NEK6: variants seen among roughly 807,000 people sequenced by gnomAD.
NEK6 encodes serine/threonine-protein kinase Nek6.
In NEK6, 27 loss-of-function variants were observed where a neutral mutation model predicts 43.5. The ratio of observed to expected loss-of-function variants is 0.62; its 90% CI spans 0.46 to 0.86. The LOEUF (loss-of-function observed/expected upper bound fraction) is 0.86. Among genes scored for constraint, NEK6 ranks in the 40% least tolerant of loss-of-function variants. The pLI is 0.00. For missense variants in NEK6, 318 were observed against 414.4 expected, an observed-to-expected ratio of 0.77 and a Z score of 2.02; for synonymous variants, 167 against 164.1, an observed-to-expected ratio of 1.02 and a Z score of -0.14.
At position 124,339,577 on chromosome 9, in the gene NEK6, C is replaced by T. The variant is rs1829483963; in HGVS notation, c.629C>T (p.Thr210Met). The change falls in exon 8 of 10, where the codon ACG becomes ATG. Residue 210 changes from threonine to methionine, a missense_variant. Thr to Met is a moderately conservative substitution (Grantham distance 81). Coordinates refer to ENST00000320246, the MANE Select transcript of NEK6 (RefSeq NM_014397.6). Reference sequence around the variant, plus strand: ...GCCCCTTGCTGTGTTGCAGTGGGGACGCCCTACTACATGTCACCGGAGAGG... The same window carrying T: ...GCCCCTTGCTGTGTTGCAGTGGGGATGCCCTACTACATGTCACCGGAGAGG... ...ETTAAHSLVGTPYYMSPERIH... is the reference protein window; with the variant it reads ...ETTAAHSLVGMPYYMSPERIH... 3.1e-6 allele frequency: 5 copies of T among 1,613,244 alleles called. No individual in the cohort carries two copies. Among genetic ancestry groups the T allele is most frequent in the Non-Finnish European group, 4.2e-6 (5 of 1,179,268 alleles).
chr9:124,350,619 T>C (rs1830215189), intron 9 of NEK6, among the ~76,000 whole-genome samples: 2 of 152,176 alleles, frequency 1.3e-5, no homozygotes, highest in African/African-American at 2.4e-5. Flanking sequence ...CCTTTGGGAC[T>C]AGACAGGCCT....
At chr9:124,327,767 C>T (rs566254610) in intron 7 of NEK6, among the ~76,000 whole-genome samples, 4 of 152,184 alleles carry the variant, frequency 2.6e-5, no homozygotes, top group African/African-American at 4.8e-5. Context: ...GTCCCGTTCA[C>T]GGGCAGCACC....
intron 7 of NEK6, among the ~76,000 whole-genome samples, chr9:124,337,368 A>G (rs144384316): frequency 1.3e-5 from 2 of 152,346 alleles, no homozygotes; most frequent in African/African-American, 4.8e-5. Flanking sequence ...GCAGAGCCCC[A>G]TCTTCACCAT....
At chr9:124,276,507 C>T (rs1350803732) in intron 1 of NEK6, among the ~76,000 whole-genome samples, 1 of 152,096 alleles carries the variant, frequency 6.6e-6, no homozygotes, top group Non-Finnish European at 1.5e-5. Flanking sequence ...ATAATGAGCC[C>T]GTGGTACATC....
Position 124,302,081 on chromosome 9 carries a change from A to C in NEK6, c.90+27A>C, listed in dbSNP as rs761259186. On this transcript the variant is annotated intron_variant, in intron 2 of 9. Coordinates refer to ENST00000320246, the MANE Select transcript of NEK6 (RefSeq NM_014397.6). ...TAAGCCCCTTACCTTTGTCTGCAGC[A>C]CACTGAAGAGTTCCCAAGGAATACG... 11 of 1,514,226 alleles carry C rather than the reference A, an allele frequency of 7.3e-6. 1 individual carries two copies. The highest frequency in any genetic ancestry group is 5.5e-5 in the African/African-American group (4 of 72,518). The allele number at this position is 1,514,226 out of a possible 1,614,324, so 93.8% of individuals were successfully genotyped here.
chr9:124,327,319 CCTT>C lies in NEK6; in HGVS notation c.515-16_515-14del, dbSNP rs1226297807. 8.7e-6 allele frequency: 14 copies of C among 1,610,674 alleles called. No homozygotes were observed. The highest frequency in any genetic ancestry group is 3.3e-5 in the South Asian group (3 of 91,008). ...CAAGCCTCCTACCCCACACCAATCT[CCTT>C]CTCCTCGCCCTGCAGACATCAAGCC... On this transcript the variant is annotated splice_polypyrimidine_tract_variant and intron_variant, in intron 6 of 9. Transcript: ENST00000320246.
intron 1 of NEK6, among the ~76,000 whole-genome samples, chr9:124,266,433 T>C (rs1262235496): frequency 1.3e-5 from 2 of 152,132 alleles, no homozygotes; most frequent in African/African-American, 2.4e-5. Flanking sequence ...AGCTGAAAAT[T>C]GGAGGACAGA....
At chr9:124,292,540 G>A (rs1266935981) in intron 1 of NEK6, 15 of 1,537,036 alleles carry the variant, frequency 9.8e-6, no homozygotes, top group Non-Finnish European at 1.1e-5. Flanking sequence ...GGGACCCAGG[G>A]TGAGTTTTTT....
intron 1 of NEK6, among the ~76,000 whole-genome samples, chr9:124,280,990 C>T (rs920482700): frequency 6.6e-6 from 1 of 152,094 alleles, no homozygotes; most frequent in Non-Finnish European, 1.5e-5. Flanking sequence ...GGTTTCTCCA[C>T]ATGTTGGCCA....
chr9:124,295,598 C>T (rs540105237), intron 1 of NEK6, among the ~76,000 whole-genome samples: 2 of 152,340 alleles, frequency 1.3e-5, no homozygotes, highest in South Asian at 2.1e-4. Flanking sequence ...GTCACTCAAC[C>T]TGTCTGAACT....
chr9:124,344,148 G>T (rs1829795779), intron 8 of NEK6, among the ~76,000 whole-genome samples: 1 of 152,170 alleles, frequency 6.6e-6, no homozygotes, highest in Non-Finnish European at 1.5e-5. Context: ...CCCCTCTTCT[G>T]TGCCCTTCTC....
At chr9:124,339,693 A>C in intron 8 of NEK6, 28 bp downstream of exon 8, 1 of 1,539,144 alleles carries the variant, frequency 6.5e-7, no homozygotes, top group South Asian at 1.1e-5. Context: ...GCTCAGCAGC[A>C]TTTGGTGGGA....
At position 124,351,088 on chromosome 9, in the gene NEK6, C is replaced by G; in HGVS notation, c.*141C>G. The G allele has an allele frequency of 1.6e-6, 1 of 607,352 alleles. No individual in the cohort carries two copies. Among genetic ancestry groups the G allele is most frequent in the South Asian group, 1.9e-5 (1 of 52,924 alleles). 37.6% of individuals were successfully genotyped at this position (607,352 alleles called of 1,614,324 possible). Reference sequence around the variant, plus strand: ...TTCCCCAAAAGGCTGCCCAGCCTTACAGCAGATGCTGAAGGCAGAGCAGCT... The same window carrying G: ...TTCCCCAAAAGGCTGCCCAGCCTTAGAGCAGATGCTGAAGGCAGAGCAGCT... On this transcript the variant is annotated 3_prime_UTR_variant, in exon 10 of 10. Transcript: ENST00000320246.
At chr9:124,347,416 G>A (rs1387387150) in intron 8 of NEK6, among the ~76,000 whole-genome samples, 1 of 152,250 alleles carries the variant, frequency 6.6e-6, no homozygotes, top group Non-Finnish European at 1.5e-5. Context: ...TGAGGTGGGA[G>A]CAAGGTGGGA....
rs1460221107 is a variant in NEK6 at position 124,324,738 on chromosome 9, G to A, written c.406-1592G>A. On this transcript the variant is annotated intron_variant, in intron 5 of 9. Coordinates refer to ENST00000320246, the MANE Select transcript of NEK6 (RefSeq NM_014397.6). This position sits in a 1 kb window ranked among gnomAD's most constrained non-coding sequence, Gnocchi z 5.3. ...GAACAGCCTCGAGGGGATTTACGGC[G>A]AGGTCAGGGGCTCCCCACTGCGACT... Among the ~76,000 whole-genome samples the A allele has an allele frequency of 9.9e-5, 15 of 152,116 alleles. No homozygotes were observed. Among genetic ancestry groups the A allele is most frequent in the Non-Finnish European group, 2.2e-4 (15 of 68,024 alleles).
At chr9:124,259,225 CTT>C (rs1564608523) in intron 1 of NEK6, 1 of 152,214 alleles carries the variant, frequency 6.6e-6, no homozygotes, top group Admixed American at 6.5e-5. Context: ...TTAAGGCAAA[CTT>C]TAGAAATTCC....
At chr9:124,306,564 G>C (rs1833264967) in intron 2 of NEK6, among the ~76,000 whole-genome samples, 1 of 152,106 alleles carries the variant, frequency 6.6e-6, no homozygotes, top group Non-Finnish European at 1.5e-5. Context: ...CTTACTCAAT[G>C]CTCTATTTTG....
At chr9:124,269,882 C>T (rs1831367766) in intron 1 of NEK6, among the ~76,000 whole-genome samples, 1 of 152,158 alleles carries the variant, frequency 6.6e-6, no homozygotes, top group Non-Finnish European at 1.5e-5. Flanking sequence ...GAGCCTTTGC[C>T]TCAGCCTCTC....
chr9:124,302,341 T>A (rs76298887), intron 2 of NEK6, among the ~76,000 whole-genome samples: 2 of 152,160 alleles, frequency 1.3e-5, no homozygotes, highest in African/African-American at 2.4e-5. Context: ...ATCTCAGGGA[T>A]CAGCATGGTT....
Sources: allele counts gnomAD v4.1 joint callset (sites outside exome capture counted in the v4.1 genomes callset), GRCh38; gene constraint gnomAD v4.1.1; non-coding constraint Gnocchi (gnomAD v3.1); transcripts MANE v1.5; gene names NCBI Gene and HGNC (gene_info 2026-07-23, HGNC 2026-07-21).